Variants in MARK1 observed in about 807,000 individuals in gnomAD.
The protein encoded by MARK1 is serine/threonine-protein kinase MARK1.
In MARK1, 40 loss-of-function variants were observed where a neutral mutation model predicts 96.3. The observed-to-expected ratio is 0.42, with a 90% confidence interval of 0.32 to 0.54. The LOEUF is 0.54. Ranked by LOEUF, MARK1 falls within the 20% of genes least tolerant of loss-of-function variation. MARK1 has a pLI of 0.16. For synonymous variants in MARK1, 317 were observed against 341.2 expected (o/e 0.93, Z 0.78); for missense variants, 719 against 984.6 (o/e 0.73, Z 3.61).
At chr1:220,552,224 C>T (rs1227413531) in intron 1 of MARK1, among the ~76,000 whole-genome samples, 1 of 152,122 alleles carries the variant, frequency 6.6e-6, no homozygotes, top group African/African-American at 2.4e-5. Context: ...CATTTTCTCC[C>T]TAGGCACTAA....
chr1:220,609,680 T>C (rs952478336), intron 6 of MARK1, among the ~76,000 whole-genome samples: 7 of 152,210 alleles, frequency 4.6e-5, no homozygotes, highest in South Asian at 2.1e-4. Context: ...CATGTTTTTG[T>C]AGTGGCTGGT....
chr1:220,636,811 G>C (rs1667989165), intron 13 of MARK1, among the ~76,000 whole-genome samples: 1 of 151,954 alleles, frequency 6.6e-6, no homozygotes, highest in Non-Finnish European at 1.5e-5. Context: ...GCTGAGGCAG[G>C]AGAATAGCTT....
In MARK1 at chr1:220,636,118, T is replaced by G. The variant is rs1384936652; in HGVS notation, c.1470+92T>G. On this transcript the variant is annotated intron_variant, in intron 13 of 17. Transcript: ENST00000366917. ...TTTATCTTTCATTTTTTTAAATGATTGAAAAATTTAAAGGGAATTATAATT... is the reference window on the plus strand; with the variant it reads ...TTTATCTTTCATTTTTTTAAATGATGGAAAAATTTAAAGGGAATTATAATT... 4.4e-6 allele frequency: 4 copies of G among 899,906 alleles called. No individual in the cohort carries two copies. The East Asian group carries it at 8.8e-5, about 20-fold the overall frequency. 55.7% of individuals were successfully genotyped at this position (899,906 alleles called of 1,614,324 possible). A position where few individuals can be genotyped will look rare whatever the true frequency, so the allele number is the denominator to read the frequency against.
chr1:220,599,830 ACTCT>A lies in MARK1; in HGVS notation c.394_397del (p.Leu132IlefsTer2). ...GTTTGAAGTTATTGAAACAGAGAAG[ACTCT>A]CTATTTAGTCATGGAATACGCGAGT... On this transcript the variant is annotated frameshift_variant, in exon 5 of 18. Transcript: ENST00000366917. LOFTEE classifies it high-confidence loss of function. 4 of 1,609,232 alleles carry A rather than the reference ACTCT, an allele frequency of 2.5e-6. No homozygotes were observed. Among genetic ancestry groups the A allele is most frequent in the Non-Finnish European group, 3.4e-6 (4 of 1,177,106 alleles).
chr1:220,551,373 TAGAG>T (rs1271674017), intron 1 of MARK1, among the ~76,000 whole-genome samples: 2 of 152,280 alleles, frequency 1.3e-5, no homozygotes, highest in African/African-American at 4.8e-5. Flanking sequence ...CCTAGGACCA[TAGAG>T]AGAAGGGAAT....
chr1:220,606,806 AG>A (rs1282809072), intron 6 of MARK1, among the ~76,000 whole-genome samples: 29 of 152,214 alleles, frequency 1.9e-4, no homozygotes, highest in African/African-American at 6.5e-4. Context: ...TGTTTTTGTC[AG>A]GTTTGTCAAA....
At position 220,645,336 on chromosome 1, in the gene MARK1, G is replaced by A. The variant is rs112209096; in HGVS notation, c.1471-5284G>A. Among the ~76,000 whole-genome samples, 638 of 152,260 alleles carry A rather than the reference G, an allele frequency of 4.2e-3. 6 individuals are homozygous for A. The highest frequency in any genetic ancestry group is 0.015 in the African/African-American group (604 of 41,550). ...TCTAGAAGAAATGGATAAGTTTCTG[G>A]ACACATACACCCTCCCAAGACTGAA... On this transcript the variant is annotated intron_variant, in intron 13 of 17. Transcript: ENST00000366917.
intron 11 of MARK1, among the ~76,000 whole-genome samples, chr1:220,633,899 C>G (rs903030727): frequency 1.3e-5 from 2 of 152,162 alleles, no homozygotes; most frequent in East Asian, 3.9e-4. Flanking sequence ...ATATAAAGAT[C>G]TGAATTGGAG....
At chr1:220,542,971 C>T (rs929999865) in intron 1 of MARK1, among the ~76,000 whole-genome samples, 2 of 152,072 alleles carry the variant, frequency 1.3e-5, no homozygotes, top group African/African-American at 4.8e-5. Context: ...CTGAAATTCT[C>T]GTATCTGTAT....
In MARK1 at chr1:220,661,878, G is replaced by C; in HGVS notation, c.2100G>C (p.Leu700Phe). 6.2e-7 allele frequency: 1 copy of C among 1,614,130 alleles called. No individual in the cohort carries two copies. Among genetic ancestry groups the C allele is most frequent in the Non-Finnish European group, 8.5e-7 (1 of 1,180,016 alleles). The change falls in exon 18 of 18, where the codon TTG becomes TTC. Residue 700 changes from leucine to phenylalanine, a missense_variant. Physicochemically the swap from Leu to Phe is conservative, Grantham distance 22. Around this residue, in one of 4 missense-constraint regions of MARK1, gnomAD observed 501 missense variants for 588.3 expected, o/e 0.85. Transcript: ENST00000366917. Reference sequence around the variant, plus strand: ...GTAAAGATTCTAAGCCGCGTTCTTTGCGGTTCACATGGAGTATGAAGACCA... The same window carrying C: ...GTAAAGATTCTAAGCCGCGTTCTTTCCGGTTCACATGGAGTATGAAGACCA... ...EEGKDSKPRS[L>F]RFTWSMKTTS...
chr1:220,644,141 A>G (rs1427506038), intron 13 of MARK1, among the ~76,000 whole-genome samples: 1 of 152,200 alleles, frequency 6.6e-6, no homozygotes, highest in East Asian at 1.9e-4. Context: ...GGTAAAGACA[A>G]GATCCATCAG....
In MARK1 at chr1:220,663,090, G is replaced by T. The variant is rs894793448; in HGVS notation, c.*924G>T. On this transcript the variant is annotated 3_prime_UTR_variant, in exon 18 of 18. Coordinates refer to ENST00000366917, the MANE Select transcript of MARK1 (RefSeq NM_018650.5). ...AGCACAAACTCATCTTTACAGTGTT[G>T]ATCAATGCATCAGTTAAGAAATAAT... The T allele has an allele frequency of 3.3e-5, 5 of 152,576 alleles. No homozygotes were observed. The highest frequency in any genetic ancestry group is 5.9e-5 in the Non-Finnish European group (4 of 68,028). 9.5% of individuals were successfully genotyped at this position (152,576 alleles called of 1,614,324 possible). A position where few individuals can be genotyped will look rare whatever the true frequency, so the allele number is the denominator to read the frequency against.
chr1:220,600,131 T>C (rs1387317745), intron 5 of MARK1, among the ~76,000 whole-genome samples: 1 of 152,164 alleles, frequency 6.6e-6, no homozygotes, highest in Non-Finnish European at 1.5e-5. Context: ...ATAAATGTAT[T>C]GATTCTCTTA....
intron 1 of MARK1, among the ~76,000 whole-genome samples, chr1:220,569,825 T>C (rs1663316863): frequency 6.6e-6 from 1 of 152,156 alleles, no homozygotes; most frequent in South Asian, 2.1e-4. Context: ...TCACAGTTTG[T>C]GATGTGTTTA....
Position 220,618,664 on chromosome 1 carries a change from A to T in MARK1, c.818A>T (p.Lys273Met), listed in dbSNP as rs776217885. Reference protein sequence around the residue: ...KELRERVLRGKYRIPFYMSTD... With the variant: ...KELRERVLRGMYRIPFYMSTD... ...CTGCGAGAGCGAGTTTTACGAGGGA[A>T]GTACCGTATTCCCTTCTATATGTCC... Residue 273 changes from lysine (K) to methionine (M), a missense_variant, in exon 9 of 18, where the codon AAG becomes ATG. Lys to Met is a moderately conservative substitution (Grantham distance 95). Transcript: ENST00000366917. This position sits in a 1 kb window ranked among gnomAD's most constrained non-coding sequence, Gnocchi z 4.6. 7.4e-6 allele frequency: 12 copies of T among 1,613,816 alleles called. No individual in the cohort carries two copies. Among genetic ancestry groups the T allele is most frequent in the Non-Finnish European group, 1.0e-5 (12 of 1,179,848 alleles).
At chr1:220,627,293 A>G in intron 9 of MARK1, 3 of 503,062 alleles carry the variant, frequency 6.0e-6, no homozygotes, top group Non-Finnish European at 1.2e-5. Flanking sequence ...GAGGGTGGCC[A>G]CAAGAACTCT....
At chr1:220,595,344 A>C (rs1451251721) in intron 3 of MARK1, among the ~76,000 whole-genome samples, 1 of 152,212 alleles carries the variant, frequency 6.6e-6, no homozygotes. Context: ...TTTGACAAGC[A>C]ATCAGTAGCA....
At chr1:220,637,542 G>C (rs994452021) in intron 13 of MARK1, among the ~76,000 whole-genome samples, 2 of 152,014 alleles carry the variant, frequency 1.3e-5, no homozygotes, top group Non-Finnish European at 2.9e-5. Flanking sequence ...AGCTGGGCAT[G>C]GTGGTGCACA....
intron 1 of MARK1, among the ~76,000 whole-genome samples, chr1:220,548,996 G>C (rs749157381): frequency 1.4e-4 from 22 of 152,264 alleles, no homozygotes; most frequent in Admixed American, 5.2e-4. Flanking sequence ...TGGGGTGTAG[G>C]GGAGTATCTT....
Sources: gnomAD v4.1 joint callset for allele counts (sites outside exome capture counted in the v4.1 genomes callset) on GRCh38, gnomAD v4.1.1 for gene constraint, gnomAD v4.1.1 regional missense constraint, Gnocchi (gnomAD v3.1) non-coding constraint, MANE v1.5 for transcripts, NCBI Gene and HGNC (gene_info 2026-07-23, HGNC 2026-07-21) for gene names.